ZNF469: variants seen among roughly 807,000 people sequenced by gnomAD.
ZNF469 encodes the protein zinc finger protein 469.
A neutral mutation model predicts 1.0 loss-of-function variants in ZNF469; 1 was observed. The observed-to-expected ratio is 1.00, with a 90% CI of 0.35 to 4.73. The LOEUF (loss-of-function observed/expected upper bound fraction) is 4.73, where lower values mean the gene tolerates loss of function less well. Among genes scored for constraint, ZNF469 ranks in the 30% most tolerant of loss-of-function variants. The pLI is 0.16. For missense variants in ZNF469, 6,100 were observed against 5,356.3 expected, an observed-to-expected ratio of 1.14 and a Z score of -4.33; for synonymous variants, 2,703 against 2,363.4, an observed-to-expected ratio of 1.14 and a Z score of -4.17.
At chr16:88,331,216 T>TCACCACCAC in the ZNF469 span, among the ~76,000 whole-genome samples, 2 of 131,604 alleles carry the variant, frequency 1.5e-5, no homozygotes, top group Non-Finnish European at 3.4e-5. Flanking sequence ...ATCACAACCG[T>TCACCACCAC]CACCACCACC....
At chr16:88,239,491 CTTTT>C in the ZNF469 span, among the ~76,000 whole-genome samples, 1 of 135,960 alleles carries the variant, frequency 7.4e-6, no homozygotes. Flanking sequence ...GATGGTCTCT[CTTTT>C]TTTTTTTTTT....
chr16:88,237,140 GCTCCTGCCACGGACCCTCCCTGCCCTCCT>G, the ZNF469 span, among the ~76,000 whole-genome samples: 31 of 106,754 alleles, frequency 2.9e-4, 1 homozygote, highest in Admixed American at 1.2e-3. Context: ...AATCCTCCAT[GCTCCTGCCACGGACCCTCCCTGCCCTCCT>G]TGCTCCTGCC....
chr16:88,233,796 A>G, the ZNF469 span, among the ~76,000 whole-genome samples: 1 of 152,256 alleles, frequency 6.6e-6, no homozygotes, highest in Non-Finnish European at 1.5e-5. Context: ...GAAGCCCATG[A>G]GTGCCTCCTG....
the ZNF469 span, among the ~76,000 whole-genome samples, chr16:88,376,299 G>GA: frequency 5.3e-5 from 8 of 152,246 alleles, no homozygotes; most frequent in Admixed American, 1.3e-4. Context: ...ATAATTACAG[G>GA]AAAAAAAATG....
chr16:88,249,049 C>T, the ZNF469 span, among the ~76,000 whole-genome samples: 1 of 152,120 alleles, frequency 6.6e-6, no homozygotes, highest in African/African-American at 2.4e-5. Context: ...GCTGCACACA[C>T]ATGTCTATGC....
In ZNF469 at chr16:88,396,998, C is replaced by CGGGAGGAGACCCTCCTGAAGGGAGGCT. The variant is rs1567500256; in HGVS notation, c.-192+13770_-192+13771insTGGGAGGAGACCCTCCTGAAGGGAGGC. ...GGAGGAGACCCTCCTGAAGGGAGGC[C>CGGGAGGAGACCCTCCTGAAGGGAGGCT]GGGAGGAGACCCTCCTGAAGGGAGG... On this transcript the variant is annotated intron_variant, in intron 1 of 2. Coordinates refer to ENST00000565624, the MANE Select transcript of ZNF469 (RefSeq NM_001367624.2). Among the ~76,000 whole-genome samples the CGGGAGGAGACCCTCCTGAAGGGAGGCT allele has an allele frequency of 3.5e-3, 528 of 149,970 alleles. 4 individuals are homozygous for CGGGAGGAGACCCTCCTGAAGGGAGGCT. Among genetic ancestry groups the CGGGAGGAGACCCTCCTGAAGGGAGGCT allele is most frequent in the African/African-American group, 0.013 (507 of 40,526 alleles).
At chr16:88,156,322 A>G in the ZNF469 span, among the ~76,000 whole-genome samples, 1 of 152,148 alleles carries the variant, frequency 6.6e-6, no homozygotes, top group African/African-American at 2.4e-5. Flanking sequence ...CCAGGGTGAT[A>G]AAGATTAATA....
In ZNF469 at chr16:88,430,961, G is replaced by A; in HGVS notation, c.3491G>A (p.Gly1164Asp). ...GAGGAGCCGGGCGGGTCTCGCCCGG[G>A]CCCCGGCAGGAGCCCTCAGGCCCGT... The part of the protein sequence containing the change: ...NPEEPGGSRP[G>D]PGRSPQARGP... Residue 1164 changes from glycine (G) to aspartate (D), a missense_variant, in exon 3 of 3, where the codon GGC (glycine) becomes GAC (aspartate). Physicochemically the swap from Gly to Asp is moderately conservative, Grantham distance 94. Coordinates refer to ENST00000565624, the MANE Select transcript of ZNF469 (RefSeq NM_001367624.2). 1 of 1,536,274 alleles carries A rather than the reference G, an allele frequency of 6.5e-7. No homozygotes were observed. The highest frequency in any genetic ancestry group is 8.7e-7 in the Non-Finnish European group (1 of 1,145,090).
intron 1 of ZNF469, among the ~76,000 whole-genome samples, chr16:88,410,140 C>T (rs1039219252): frequency 6.6e-6 from 1 of 152,222 alleles, no homozygotes; most frequent in African/African-American, 2.4e-5. Flanking sequence ...GGAAGCCCAA[C>T]TGTTCACGGA....
chr16:88,323,858 C>T, the ZNF469 span, among the ~76,000 whole-genome samples: 1 of 152,244 alleles, frequency 6.6e-6, no homozygotes, highest in African/African-American at 2.4e-5. Context: ...GTGTGTCCAT[C>T]CTACAGATGG....
the ZNF469 span, among the ~76,000 whole-genome samples, chr16:88,329,718 G>C: frequency 6.6e-6 from 1 of 152,260 alleles, no homozygotes; most frequent in African/African-American, 2.4e-5. Flanking sequence ...CCAGGGGAAA[G>C]GGGACGGGGG....
the ZNF469 span, among the ~76,000 whole-genome samples, chr16:88,105,527 A>C: frequency 6.6e-6 from 1 of 151,208 alleles, no homozygotes; most frequent in African/African-American, 2.4e-5. Flanking sequence ...CTGGTCTTGA[A>C]CTCCTGACCT....
the ZNF469 span, among the ~76,000 whole-genome samples, chr16:88,232,347 A>G: frequency 5.3e-5 from 8 of 152,258 alleles, no homozygotes; most frequent in Admixed American, 2.0e-4. Context: ...CGGCTGGTCA[A>G]TGAGAGAGAC....
chr16:88,135,582 T>G, the ZNF469 span, among the ~76,000 whole-genome samples: 42 of 152,050 alleles, frequency 2.8e-4, no homozygotes, highest in Non-Finnish European at 4.6e-4. Context: ...TAGCTGTTGG[T>G]GAGGAGCACC....
chr16:88,265,394 G>C, the ZNF469 span, among the ~76,000 whole-genome samples: 1 of 152,188 alleles, frequency 6.6e-6, no homozygotes, highest in Non-Finnish European at 1.5e-5. Context: ...GGCTGCGGGA[G>C]GTGCTGCTAG....
chr16:88,399,386 A>G (rs991356144), intron 1 of ZNF469, among the ~76,000 whole-genome samples: 5 of 152,206 alleles, frequency 3.3e-5, no homozygotes, highest in South Asian at 2.1e-4. Flanking sequence ...ACCACATTCA[A>G]TTACTTGCCC....
intron 1 of ZNF469, among the ~76,000 whole-genome samples, chr16:88,423,072 G>A (rs9936123): frequency 4.7e-5 from 7 of 148,504 alleles, no homozygotes; most frequent in African/African-American, 1.8e-4. Context: ...TGATGGATGG[G>A]TAGATAGATG....
chr16:88,342,797 G>C, the ZNF469 span, among the ~76,000 whole-genome samples: 1 of 152,240 alleles, frequency 6.6e-6, no homozygotes. Flanking sequence ...CCTGATGCCA[G>C]CGTAGGGCGA....
chr16:88,323,947 C>G, the ZNF469 span, among the ~76,000 whole-genome samples: 1 of 152,214 alleles, frequency 6.6e-6, no homozygotes, highest in Non-Finnish European at 1.5e-5. Flanking sequence ...GTAGAACAAT[C>G]ACCCCAGAAC....
Sources: allele counts gnomAD v4.1 joint callset (sites outside exome capture counted in the v4.1 genomes callset), GRCh38; gene constraint gnomAD v4.1.1; transcripts MANE v1.5; gene names NCBI Gene and HGNC (gene_info 2026-07-23, HGNC 2026-07-21).